Variants in TENM3 observed in about 807,000 individuals in gnomAD.
TENM3 encodes teneurin-3.
Under a neutral mutation model 255.1 loss-of-function variants are expected in TENM3, and 63 were observed. The observed-to-expected ratio is 0.25, with a 90% CI of 0.20 to 0.30. The LOEUF (loss-of-function observed/expected upper bound fraction) is 0.30. Among genes scored for constraint, TENM3 ranks in the 10% least tolerant of loss-of-function variants. The probability of loss-of-function intolerance (pLI) is 1.00; values close to 1 mark genes in which losing one functional copy is unlikely to be tolerated. For missense variants in TENM3, 2,929 were observed against 3,461.1 expected (o/e 0.85, Z 3.86); for synonymous variants, 1,306 against 1,322.3 (o/e 0.99, Z 0.27).
chr4:182,613,999 T>G (rs1424399388), intron 4 of TENM3, among the ~76,000 whole-genome samples: 5 of 152,182 alleles, frequency 3.3e-5, no homozygotes, highest in African/African-American at 1.2e-4. Context: ...GTAATAGATT[T>G]GAGACCACAA....
chr4:182,221,214 G>T (rs530446958), intron 1 of TENM3, among the ~76,000 whole-genome samples: 1 of 152,334 alleles, frequency 6.6e-6, no homozygotes, highest in South Asian at 2.1e-4. Context: ...TGATAAACAA[G>T]CGATTTGCTC....
the TENM3 span, among the ~76,000 whole-genome samples, chr4:181,981,177 ATTCTT>A: frequency 2.0e-5 from 3 of 152,028 alleles, no homozygotes; most frequent in Admixed American, 1.3e-4. Flanking sequence ...TTCATGAACT[ATTCTT>A]TTATTTCTAC....
chr4:181,700,504 C>A, the TENM3 span, among the ~76,000 whole-genome samples: 7 of 152,132 alleles, frequency 4.6e-5, no homozygotes, highest in African/African-American at 1.7e-4. Flanking sequence ...ATAGTTAATG[C>A]AATACATTCC....
chr4:181,508,117 C>T, the TENM3 span, among the ~76,000 whole-genome samples: 1 of 152,132 alleles, frequency 6.6e-6, no homozygotes, highest in Non-Finnish European at 1.5e-5. Context: ...TCCGTGACTG[C>T]CGTTGAAATA....
At chr4:181,974,504 G>A in the TENM3 span, among the ~76,000 whole-genome samples, 2 of 152,098 alleles carry the variant, frequency 1.3e-5, no homozygotes, top group Non-Finnish European at 2.9e-5. Context: ...GGAGGAGGAG[G>A]TTGCAGTGAG....
chr4:182,383,308 A>G lies in TENM3; in HGVS notation c.511+36379A>G, dbSNP rs1040963551. Reference sequence around the variant, plus strand: ...GGGTTCTCTCTAAACTGATTTAGCGAGAGTCTTGCTAAATCTGGGCTATGT... The same window carrying G: ...GGGTTCTCTCTAAACTGATTTAGCGGGAGTCTTGCTAAATCTGGGCTATGT... On this transcript the variant is annotated intron_variant, in intron 3 of 27. Transcript: ENST00000511685. Among the ~76,000 whole-genome samples, 6 of 152,208 alleles carry G rather than the reference A, an allele frequency of 3.9e-5. No homozygotes were observed. In the East Asian group the frequency reaches 5.8e-4, roughly 15 times the overall value.
chr4:181,930,999 A>G, the TENM3 span, among the ~76,000 whole-genome samples: 1 of 152,226 alleles, frequency 6.6e-6, no homozygotes, highest in South Asian at 2.1e-4. Context: ...TAAACTAGCT[A>G]TTGATGGAAC....
At chr4:182,655,068 G>T (rs11937177) in intron 6 of TENM3, among the ~76,000 whole-genome samples, 68 of 152,072 alleles carry the variant, frequency 4.5e-4, no homozygotes, top group African/African-American at 1.6e-3. Context: ...CTGTAGAGGG[G>T]GTTAAAGAGG....
intron 12 of TENM3, among the ~76,000 whole-genome samples, chr4:182,696,629 G>A (rs1757445754): frequency 6.6e-6 from 1 of 152,010 alleles, no homozygotes; most frequent in South Asian, 2.1e-4. Context: ...GGAGGCTGAG[G>A]CAGGAGAATC....
chr4:181,977,195 A>G, the TENM3 span, among the ~76,000 whole-genome samples: 2 of 152,170 alleles, frequency 1.3e-5, no homozygotes, highest in African/African-American at 4.8e-5. Flanking sequence ...GAAATACAAT[A>G]GTACCTACCC....
intron 3 of TENM3, among the ~76,000 whole-genome samples, chr4:182,362,698 T>G (rs1196093159): frequency 2.0e-5 from 3 of 152,166 alleles, no homozygotes; most frequent in Non-Finnish European, 4.4e-5. Context: ...TGCCTCGCCC[T>G]GCTTCGGCTC....
chr4:181,712,893 T>C, the TENM3 span, among the ~76,000 whole-genome samples: 3 of 152,240 alleles, frequency 2.0e-5, no homozygotes, highest in African/African-American at 4.8e-5. Flanking sequence ...TCTTTTCTAA[T>C]GTCACAAGAT....
the TENM3 span, among the ~76,000 whole-genome samples, chr4:181,805,130 A>C: frequency 6.6e-6 from 1 of 152,172 alleles, no homozygotes; most frequent in African/African-American, 2.4e-5. Context: ...TTTGCAAATG[A>C]AAACCTGATC....
At chr4:182,083,155 A>G in the TENM3 span, among the ~76,000 whole-genome samples, 3 of 152,350 alleles carry the variant, frequency 2.0e-5, no homozygotes, top group Admixed American at 2.0e-4. Context: ...ACTTAATTAA[A>G]TTATCTGAAA....
chr4:182,570,109 G>T (rs1413117197), intron 3 of TENM3, among the ~76,000 whole-genome samples: 1 of 152,094 alleles, frequency 6.6e-6, no homozygotes, highest in Non-Finnish European at 1.5e-5. Context: ...TGCCGTAATC[G>T]AGGCAAAAGA....
the TENM3 span, among the ~76,000 whole-genome samples, chr4:182,050,531 C>T: frequency 5.3e-5 from 8 of 152,108 alleles, no homozygotes; most frequent in South Asian, 2.1e-4. Context: ...TGGCTGACTG[C>T]GGTGGCTCAC....
At chr4:182,259,437 A>C (rs1246432182) in intron 1 of TENM3, among the ~76,000 whole-genome samples, 1 of 151,904 alleles carries the variant, frequency 6.6e-6, no homozygotes, top group African/African-American at 2.4e-5. Flanking sequence ...TCAGCCTCCC[A>C]CGTAGCTGGG....
chr4:182,262,720 C>CTTT (rs535703415), intron 1 of TENM3, among the ~76,000 whole-genome samples: 5 of 133,316 alleles, frequency 3.8e-5, no homozygotes, highest in African/African-American at 8.9e-5. Flanking sequence ...CCTTTACTTT[C>CTTT]TTTTTTTTTT....
chr4:182,497,762 A>G (rs932574405), intron 3 of TENM3, among the ~76,000 whole-genome samples: 1 of 150,920 alleles, frequency 6.6e-6, no homozygotes, highest in East Asian at 2.0e-4. Context: ...ATAAAAAGCA[A>G]TCAGAGGTAG....
Sources: allele counts gnomAD v4.1 joint callset (sites outside exome capture counted in the v4.1 genomes callset), GRCh38; gene constraint gnomAD v4.1.1; transcripts MANE v1.5; gene names NCBI Gene and HGNC (gene_info 2026-07-23, HGNC 2026-07-21).